The following PDE4B variants were observed in gnomAD, a reference collection of about 807,000 sequenced individuals.
The protein encoded by PDE4B is 3',5'-cyclic-AMP phosphodiesterase 4B.
Under a neutral mutation model 82.2 loss-of-function variants are expected in PDE4B, and 20 were observed. The ratio of observed to expected loss-of-function variants is 0.24; its 90% CI spans 0.17 to 0.35. PDE4B has a LOEUF of 0.35. PDE4B is among the 10% of genes least tolerant of loss of function. PDE4B has a pLI of 1.00. For synonymous variants in PDE4B, 320 were observed against 318.9 expected (o/e 1.00, Z -0.04); for missense variants, 655 against 907.2 (o/e 0.72, Z 3.57).
intron 3 of PDE4B, among the ~76,000 whole-genome samples, chr1:66,062,034 A>G (rs1655607485): frequency 6.6e-6 from 1 of 152,168 alleles, no homozygotes; most frequent in Non-Finnish European, 1.5e-5. Flanking sequence ...TCCCAAATGG[A>G]TCTTTGCTTG....
chr1:66,038,909 T>A (rs1654206243), intron 3 of PDE4B, among the ~76,000 whole-genome samples: 2 of 152,094 alleles, frequency 1.3e-5, no homozygotes. Flanking sequence ...ATGTTTTCAC[T>A]CCTATTTTTT....
intron 3 of PDE4B, among the ~76,000 whole-genome samples, chr1:65,997,586 T>A (rs186786161): frequency 5.3e-5 from 8 of 152,330 alleles, no homozygotes; most frequent in Non-Finnish European, 1.2e-4. Flanking sequence ...GAATCTGTGC[T>A]AGTAATATTG....
intron 1 of PDE4B, among the ~76,000 whole-genome samples, chr1:65,837,927 C>G (rs1360885899): frequency 6.6e-6 from 1 of 152,126 alleles, no homozygotes; most frequent in African/African-American, 2.4e-5. Flanking sequence ...TTACCTTGTT[C>G]CCCTCTATGT....
intron 3 of PDE4B, among the ~76,000 whole-genome samples, chr1:66,089,145 A>C (rs1644959746): frequency 6.6e-6 from 1 of 152,160 alleles, no homozygotes; most frequent in African/African-American, 2.4e-5. Flanking sequence ...ACTGTAAAAA[A>C]GTTACACAAC....
At chr1:65,917,926 G>C (rs1200735795) in intron 2 of PDE4B, among the ~76,000 whole-genome samples, 1 of 152,210 alleles carries the variant, frequency 6.6e-6, no homozygotes, top group East Asian at 1.9e-4. Context: ...CACTTTGGGA[G>C]GCCGGGACAG....
chr1:65,848,718 T>C (rs1270090959), intron 1 of PDE4B, among the ~76,000 whole-genome samples: 1 of 152,234 alleles, frequency 6.6e-6, no homozygotes, highest in African/African-American at 2.4e-5. Flanking sequence ...GTACTAATAG[T>C]TCATTCATTT....
chr1:65,881,333 TA>T (rs1204773213), intron 1 of PDE4B, among the ~76,000 whole-genome samples: 1 of 152,066 alleles, frequency 6.6e-6, no homozygotes, highest in African/African-American at 2.4e-5. Flanking sequence ...ATTGTGGAGG[TA>T]TAAAAGGCCT....
chr1:66,027,005 G>A (rs1401698686), intron 3 of PDE4B, among the ~76,000 whole-genome samples: 2 of 152,194 alleles, frequency 1.3e-5, no homozygotes, highest in African/African-American at 2.4e-5. Flanking sequence ...GTTTGTGCCA[G>A]TGTTACTGTG....
intron 7 of PDE4B, among the ~76,000 whole-genome samples, chr1:66,309,193 G>C (rs1658497013): frequency 6.6e-6 from 1 of 152,298 alleles, no homozygotes; most frequent in East Asian, 1.9e-4. Context: ...TATGTTTCTG[G>C]GAAGGCTCTA....
intron 3 of PDE4B, among the ~76,000 whole-genome samples, chr1:65,978,879 A>T (rs574066985): frequency 3.3e-5 from 5 of 152,230 alleles, no homozygotes; most frequent in East Asian, 1.9e-4. Flanking sequence ...TACATCTGGG[A>T]TTTTAACAGA....
chr1:66,153,581 G>T (rs1646445269), intron 3 of PDE4B, among the ~76,000 whole-genome samples: 1 of 152,020 alleles, frequency 6.6e-6, no homozygotes. Flanking sequence ...CTTTTTCTGT[G>T]CCCTGTGCTG....
chr1:65,815,639 A>G (rs1294189082), intron 1 of PDE4B, among the ~76,000 whole-genome samples: 1 of 152,192 alleles, frequency 6.6e-6, no homozygotes, highest in African/African-American at 2.4e-5. Context: ...TCATTGAGAA[A>G]CCAATTGTAA....
chr1:66,313,891 A>C (rs1658840444), intron 7 of PDE4B, among the ~76,000 whole-genome samples: 1 of 152,110 alleles, frequency 6.6e-6, no homozygotes, highest in African/African-American at 2.4e-5. Flanking sequence ...GATGCACCCT[A>C]AATCCTTGCA....
intron 3 of PDE4B, among the ~76,000 whole-genome samples, chr1:66,138,052 C>CAGATATT (rs1156975941): frequency 1.3e-5 from 2 of 152,152 alleles, no homozygotes; most frequent in East Asian, 3.9e-4. Context: ...GACTTAAACA[C>CAGATATT]AGATATTAAA....
At chr1:66,361,566 A>T in intron 9 of PDE4B, 49 bp from the exon 10 acceptor site, 2 of 1,454,906 alleles carry the variant, frequency 1.4e-6, no homozygotes, top group Non-Finnish European at 1.9e-6. Flanking sequence ...ATTGCAGTGG[A>T]TTCTCATAGA....
chr1:66,226,237 T>G (rs1651442684), intron 3 of PDE4B, among the ~76,000 whole-genome samples: 1 of 152,230 alleles, frequency 6.6e-6, no homozygotes, highest in South Asian at 2.1e-4. Context: ...TTAAAATATC[T>G]TTGTTGAGGG....
intron 3 of PDE4B, among the ~76,000 whole-genome samples, chr1:66,202,609 C>G (rs1005816778): frequency 9.9e-5 from 15 of 151,124 alleles, no homozygotes; most frequent in Non-Finnish European, 1.5e-4. Flanking sequence ...TAATGGCCTT[C>G]TTTGTCTCTT....
chr1:66,106,929 T>C (rs1303688228), intron 3 of PDE4B, among the ~76,000 whole-genome samples: 4 of 142,872 alleles, frequency 2.8e-5, no homozygotes, highest in Non-Finnish European at 6.2e-5. Flanking sequence ...TTTTTGTGTC[T>C]CTATTTCCTT....
At chr1:65,950,663 ATGCCAGGAGGTCATTGGCTGAGTCAAC>A (rs1404025705) in intron 3 of PDE4B, among the ~76,000 whole-genome samples, 1 of 152,088 alleles carries the variant, frequency 6.6e-6, no homozygotes, top group Non-Finnish European at 1.5e-5. Context: ...TGTGTATCCC[ATGCCAGGAGGTCATTGGCTGAGTCAAC>A]CCTGGAGAAG....
Sources: allele counts gnomAD v4.1 joint callset (sites outside exome capture counted in the v4.1 genomes callset), GRCh38; gene constraint gnomAD v4.1.1; transcripts MANE v1.5; gene names NCBI Gene and HGNC (gene_info 2026-07-23, HGNC 2026-07-21).